SUMF1: variants seen among roughly 807,000 people sequenced by gnomAD.
SUMF1 encodes formylglycine-generating enzyme.
SUMF1 carries 48 observed loss-of-function variants against 47.6 expected under a neutral mutation model. The observed-to-expected ratio is 1.01, with a 90% CI of 0.80 to 1.28. SUMF1 has a LOEUF of 1.28. Ranked by LOEUF, SUMF1 falls within the 50% of genes most tolerant of loss-of-function variation. SUMF1 has a pLI of 0.00. For synonymous variants in SUMF1, 230 were observed against 192.1 expected (o/e 1.20, Z -1.63); for missense variants, 571 against 485.4 (o/e 1.18, Z -1.66).
At chr3:4,204,845 A>T (rs1695618356) in intron 8 of SUMF1, among the ~76,000 whole-genome samples, 1 of 150,146 alleles carries the variant, frequency 6.7e-6, no homozygotes, top group African/African-American at 2.5e-5. Flanking sequence ...TTATTATTTC[A>T]ATTACTTTGT....
chr3:4,355,741 A>G (rs1699604016), intron 8 of SUMF1, among the ~76,000 whole-genome samples: 2 of 152,230 alleles, frequency 1.3e-5, no homozygotes, highest in South Asian at 2.1e-4. Context: ...AATATGGCCC[A>G]GACCCAAGGG....
intron 8 of SUMF1, among the ~76,000 whole-genome samples, chr3:4,123,639 A>C (rs576040310): frequency 6.6e-6 from 1 of 152,326 alleles, no homozygotes; most frequent in South Asian, 2.1e-4. Context: ...CTAGGAAAGT[A>C]GCACAGTAGA....
chr3:4,287,262 CA>C (rs1473050564), intron 8 of SUMF1, among the ~76,000 whole-genome samples: 5 of 152,126 alleles, frequency 3.3e-5, no homozygotes, highest in Non-Finnish European at 7.4e-5. Flanking sequence ...CCAAAAAGTT[CA>C]GAACCAGCAA....
chr3:4,417,029 C>T (rs917574068), intron 6 of SUMF1, 99 bp downstream of exon 6: 19 of 1,076,936 alleles, frequency 1.8e-5, no homozygotes, highest in Admixed American at 1.7e-4. Flanking sequence ...AAGGGAACAC[C>T]GTGTGAGTCA....
intron 8 of SUMF1, among the ~76,000 whole-genome samples, chr3:4,348,515 A>C (rs1699419752): frequency 6.6e-6 from 1 of 152,206 alleles, no homozygotes; most frequent in Non-Finnish European, 1.5e-5. Flanking sequence ...TACACCTTGT[A>C]CAAACATTAA....
At chr3:4,450,689 A>G (rs1702940192) in intron 2 of SUMF1, among the ~76,000 whole-genome samples, 1 of 152,140 alleles carries the variant, frequency 6.6e-6, no homozygotes. Flanking sequence ...TTATAACTTT[A>G]CTACACCTTG....
At chr3:4,329,081 C>T (rs1699000378) in intron 8 of SUMF1, among the ~76,000 whole-genome samples, 1 of 152,224 alleles carries the variant, frequency 6.6e-6, no homozygotes, top group Non-Finnish European at 1.5e-5. Flanking sequence ...TGGTCTTGGG[C>T]ATCTCTGCCT....
intron 7 of SUMF1, among the ~76,000 whole-genome samples, chr3:4,393,632 C>T (rs1298393823): frequency 6.6e-6 from 1 of 151,698 alleles, no homozygotes; most frequent in Non-Finnish European, 1.5e-5. Context: ...CATGACTGGC[C>T]TTTTATTTAT....
chr3:4,254,489 C>A (rs1405257058), intron 8 of SUMF1, among the ~76,000 whole-genome samples: 3 of 149,946 alleles, frequency 2.0e-5, no homozygotes, highest in Admixed American at 6.6e-5. Flanking sequence ...GGAGCCGATG[C>A]CATCAACTGG....
At position 4,410,874 on chromosome 3, in the gene SUMF1, C is replaced by T. The variant is rs1432739031; in HGVS notation, c.945G>A (p.Thr315=). Reference sequence around the variant, plus strand: ...TGTGAATAATACTCACTGGGTTAAGCGTTTCTTCAACAGAATGATGAACAG... The same window carrying T: ...TGTGAATAATACTCACTGGGTTAAGTGTTTCTTCAACAGAATGATGAACAG... The part of the protein sequence containing the change: ...WWTVHHSVEE[T]LNPKGPPSGK... The change falls in exon 7 of 9, where the codon ACG becomes ACA. Residue 315 remains threonine, a synonymous_variant. Transcript: ENST00000272902. The T allele has an allele frequency of 3.1e-6, 5 of 1,613,684 alleles. No homozygotes were observed. The highest frequency in any genetic ancestry group is 1.3e-5 in the African/African-American group (1 of 74,902).
intron 8 of SUMF1, among the ~76,000 whole-genome samples, chr3:4,264,607 A>C (rs1278582076): frequency 1.3e-5 from 2 of 152,126 alleles, no homozygotes; most frequent in Non-Finnish European, 2.9e-5. Flanking sequence ...AGTACTTTTA[A>C]AGTGCTTTTC....
intron 8 of SUMF1, among the ~76,000 whole-genome samples, chr3:4,240,318 T>G (rs1225947088): frequency 1.3e-5 from 2 of 152,190 alleles, no homozygotes; most frequent in African/African-American, 2.4e-5. Flanking sequence ...CTTTTTCTAT[T>G]GTTTGGAATA....
At chr3:4,169,848 A>G (rs933239770) in intron 8 of SUMF1, among the ~76,000 whole-genome samples, 1 of 152,234 alleles carries the variant, frequency 6.6e-6, no homozygotes, top group African/African-American at 2.4e-5. Context: ...GAGATGAACT[A>G]TCAAACTTCA....
intron 8 of SUMF1, among the ~76,000 whole-genome samples, chr3:4,375,435 G>A (rs1700298213): frequency 6.6e-6 from 1 of 152,168 alleles, no homozygotes; most frequent in Non-Finnish European, 1.5e-5. Context: ...AAATCAGAAT[G>A]GGGGTGAGTG....
At chr3:4,234,438 C>T (rs1339547345) in intron 8 of SUMF1, among the ~76,000 whole-genome samples, 2 of 152,036 alleles carry the variant, frequency 1.3e-5, no homozygotes, top group Non-Finnish European at 2.9e-5. Context: ...CTCCCTCAGA[C>T]TTTATAATGC....
intron 8 of SUMF1, among the ~76,000 whole-genome samples, chr3:4,125,472 T>C (rs1332941373): frequency 6.6e-6 from 1 of 152,162 alleles, no homozygotes; most frequent in Non-Finnish European, 1.5e-5. Context: ...TTAACACCCA[T>C]GGGTACAGTT....
At chr3:4,444,686 G>A (rs951205866) in intron 3 of SUMF1, among the ~76,000 whole-genome samples, 3 of 152,146 alleles carry the variant, frequency 2.0e-5, no homozygotes, top group African/African-American at 4.8e-5. Context: ...TGGAAGAAAG[G>A]AGATAGATGT....
chr3:4,366,217 G>A (rs1288594089), intron 8 of SUMF1, among the ~76,000 whole-genome samples: 1 of 151,970 alleles, frequency 6.6e-6, no homozygotes, highest in Non-Finnish European at 1.5e-5. Context: ...TTCTCGAGGA[G>A]TATCTTTGTG....
intron 8 of SUMF1, among the ~76,000 whole-genome samples, chr3:4,164,427 C>T (rs1694652720): frequency 1.3e-5 from 2 of 152,194 alleles, no homozygotes; most frequent in South Asian, 4.1e-4. Flanking sequence ...CGGTTGGGGG[C>T]TTCTGGCCCA....
Sources: allele counts gnomAD v4.1 joint callset (sites outside exome capture counted in the v4.1 genomes callset), GRCh38; gene constraint gnomAD v4.1.1; transcripts MANE v1.5; gene names NCBI Gene and HGNC (gene_info 2026-07-23, HGNC 2026-07-21).